FHIP1A: variants seen among roughly 807,000 people sequenced by gnomAD.
FHIP1A encodes the protein FHF complex subunit HOOK-interacting protein 1A.
A neutral mutation model predicts 88.6 loss-of-function variants in FHIP1A; 61 were observed. The observed-to-expected ratio is 0.69, with a 90% CI of 0.56 to 0.85. The LOEUF (loss-of-function observed/expected upper bound fraction) is 0.85, where lower values mean the gene tolerates loss of function less well. Among genes scored for constraint, FHIP1A ranks in the 40% least tolerant of loss-of-function variants. FHIP1A has a pLI of 0.00. For synonymous variants in FHIP1A, 478 were observed against 496.0 expected (o/e 0.96, Z 0.48); for missense variants, 1,154 against 1,273.5 (o/e 0.91, Z 1.43).
At chr4:151,627,798 T>C (rs1736007077) in intron 7 of FHIP1A, among the ~76,000 whole-genome samples, 1 of 152,120 alleles carries the variant, frequency 6.6e-6, no homozygotes, top group African/African-American at 2.4e-5. Flanking sequence ...TAAAGGATAA[T>C]TAAAAGTTAA....
At chr4:151,525,904 G>A (rs1731612864) in intron 3 of FHIP1A, among the ~76,000 whole-genome samples, 1 of 151,872 alleles carries the variant, frequency 6.6e-6, no homozygotes, top group Non-Finnish European at 1.5e-5. Flanking sequence ...GGACCCTGCG[G>A]CCTTCCGCAG....
intron 7 of FHIP1A, among the ~76,000 whole-genome samples, chr4:151,600,216 G>A (rs950712588): frequency 2.8e-4 from 42 of 152,210 alleles, no homozygotes; most frequent in African/African-American, 9.9e-4. Flanking sequence ...GGTGATGTCA[G>A]GGAGAAGAGA....
At position 151,668,890 on chromosome 4, in the gene FHIP1A, CACTTCTA is replaced by C. The variant is rs1366472436; in HGVS notation, c.*6144_*6150del. 1.3e-5 allele frequency among the ~76,000 whole-genome samples: 2 copies of C among 151,932 alleles called. No individual in the cohort carries two copies. The highest frequency in any genetic ancestry group is 2.9e-5 in the Non-Finnish European group (2 of 68,000). ...CTGGGGCAGAGCCAGTTTTCCAGCA[CACTTCTA>C]ACTTCTAGTCAGAGCCTCAGCATTA... On this transcript the variant is annotated 3_prime_UTR_variant, in exon 14 of 14. Coordinates refer to ENST00000435205, the MANE Select transcript of FHIP1A (RefSeq NM_001109977.3).
chr4:151,487,750 G>A lies in FHIP1A; in HGVS notation c.-123+5102G>A, dbSNP rs576943594. Among the ~76,000 whole-genome samples the A allele has an allele frequency of 2.5e-4, 38 of 152,200 alleles. 2 individuals carry two copies. In the South Asian group the frequency reaches 7.3e-3, roughly 29 times the overall value. Reference sequence around the variant, plus strand: ...GATACATTCTATTATTTTTCTCATCGTACAAATAAGGAAACCGAACCACAT... The same window carrying A: ...GATACATTCTATTATTTTTCTCATCATACAAATAAGGAAACCGAACCACAT... On this transcript the variant is annotated intron_variant, in intron 3 of 13. Coordinates refer to ENST00000435205, the MANE Select transcript of FHIP1A (RefSeq NM_001109977.3).
chr4:151,502,891 A>G (rs558400084), intron 3 of FHIP1A, among the ~76,000 whole-genome samples: 2 of 152,274 alleles, frequency 1.3e-5, no homozygotes, highest in South Asian at 2.1e-4. Flanking sequence ...GTTGGCCCAT[A>G]TTTTCAATAC....
intron 3 of FHIP1A, among the ~76,000 whole-genome samples, chr4:151,514,531 G>C (rs1560741260): frequency 1.3e-5 from 2 of 151,454 alleles, no homozygotes; most frequent in Non-Finnish European, 2.9e-5. Context: ...TTTTTGAAAG[G>C]ATCAACAAAA....
intron 3 of FHIP1A, among the ~76,000 whole-genome samples, chr4:151,486,996 T>G (rs1391759204): frequency 6.6e-6 from 1 of 151,978 alleles, no homozygotes; most frequent in Non-Finnish European, 1.5e-5. Context: ...AATATTTTCT[T>G]GCTTACTATA....
intron 1 of FHIP1A, among the ~76,000 whole-genome samples, chr4:151,428,050 A>G (rs1733451629): frequency 6.6e-6 from 1 of 152,170 alleles, no homozygotes; most frequent in African/African-American, 2.4e-5. Flanking sequence ...TTCACTTGAT[A>G]TAGTATCATG....
At chr4:151,642,790 G>A (rs1312528701) in intron 9 of FHIP1A, among the ~76,000 whole-genome samples, 1 of 151,652 alleles carries the variant, frequency 6.6e-6, no homozygotes, top group East Asian at 1.9e-4. Context: ...CGATATCCAA[G>A]AAAATAAGAA....
intron 2 of FHIP1A, among the ~76,000 whole-genome samples, chr4:151,456,844 G>T (rs984635689): frequency 7.9e-5 from 12 of 151,120 alleles, no homozygotes; most frequent in Admixed American, 3.3e-4. Context: ...TTGTTGTATT[G>T]GTTATTGTGA....
chr4:151,603,071 G>A (rs932804277), intron 7 of FHIP1A, among the ~76,000 whole-genome samples: 7 of 152,262 alleles, frequency 4.6e-5, no homozygotes, highest in African/African-American at 1.4e-4. Context: ...CCAGCACTTT[G>A]GGAGGCCAAG....
intron 13 of FHIP1A, among the ~76,000 whole-genome samples, chr4:151,662,144 C>T (rs1737481989): frequency 6.6e-6 from 1 of 152,228 alleles, no homozygotes; most frequent in African/African-American, 2.4e-5. Flanking sequence ...CTACTCATCG[C>T]CCCTTAATAA....
intron 4 of FHIP1A, among the ~76,000 whole-genome samples, chr4:151,574,694 A>G (rs1030774824): frequency 1.6e-4 from 24 of 152,162 alleles, no homozygotes; most frequent in East Asian, 1.2e-3. Context: ...GAAATTAGGT[A>G]AACTTACAGG....
At chr4:151,578,355 C>T (rs1733888468) in intron 5 of FHIP1A, among the ~76,000 whole-genome samples, 1 of 152,104 alleles carries the variant, frequency 6.6e-6, no homozygotes, top group African/African-American at 2.4e-5. Context: ...TTTAGTTGTT[C>T]CAGGAGCATA....
chr4:151,566,990 G>A (rs574717595), intron 4 of FHIP1A, among the ~76,000 whole-genome samples: 442 of 152,140 alleles, frequency 2.9e-3, no homozygotes, highest in African/African-American at 0.01. Context: ...ACCATTTTGG[G>A]GCTGGTGGTC....
intron 3 of FHIP1A, among the ~76,000 whole-genome samples, chr4:151,512,563 A>G (rs1200151507): frequency 6.6e-6 from 1 of 152,250 alleles, no homozygotes; most frequent in African/African-American, 2.4e-5. Context: ...AAAAAAATTT[A>G]GACGACTGTA....
chr4:151,498,480 G>A (rs1010944472), intron 3 of FHIP1A, among the ~76,000 whole-genome samples: 4 of 152,142 alleles, frequency 2.6e-5, no homozygotes, highest in African/African-American at 7.2e-5. Context: ...AGGGGTAGCT[G>A]TGCTGTGTTT....
chr4:151,472,011 A>G (rs1041043970), intron 2 of FHIP1A, among the ~76,000 whole-genome samples: 1 of 151,846 alleles, frequency 6.6e-6, no homozygotes, highest in African/African-American at 2.4e-5. Context: ...TTATCTTCTC[A>G]TTGATCGATG....
chr4:151,457,014 G>A (rs1728990531), intron 2 of FHIP1A, among the ~76,000 whole-genome samples: 1 of 152,048 alleles, frequency 6.6e-6, no homozygotes, highest in Admixed American at 6.6e-5. Context: ...TCTTTTCAAT[G>A]GATAGACTTC....
Sources: gnomAD v4.1 joint callset for allele counts (sites outside exome capture counted in the v4.1 genomes callset) on GRCh38, gnomAD v4.1.1 for gene constraint, MANE v1.5 for transcripts, NCBI Gene and HGNC (gene_info 2026-07-23, HGNC 2026-07-21) for gene names.